FZD3: variants seen among roughly 807,000 people sequenced by gnomAD.
FZD3 encodes the protein frizzled class receptor 3, also known as frizzled-3.
A neutral mutation model predicts 60.7 loss-of-function variants in FZD3; 30 were observed. The observed-to-expected ratio is 0.49, with a 90% CI of 0.37 to 0.67. The LOEUF (loss-of-function observed/expected upper bound fraction) is 0.67, where lower values mean the gene tolerates loss of function less well. Ranked by LOEUF, FZD3 falls within the 30% of genes least tolerant of loss-of-function variation. FZD3 has a pLI of 0.00. For missense variants in FZD3, 605 were observed against 838.7 expected (o/e 0.72, Z 3.44); for synonymous variants, 246 against 275.2 (o/e 0.89, Z 1.05).
At chr8:28,525,786 C>T (rs1804700057) in intron 4 of FZD3, among the ~76,000 whole-genome samples, 1 of 151,924 alleles carries the variant, frequency 6.6e-6, no homozygotes, top group Admixed American at 6.6e-5. Context: ...AATTGGAGGC[C>T]CCTCTAGAAG....
chr8:28,533,822 C>A (rs1804941180), intron 5 of FZD3, among the ~76,000 whole-genome samples: 1 of 152,006 alleles, frequency 6.6e-6, no homozygotes, highest in Admixed American at 6.6e-5. Flanking sequence ...AATTCAGAGA[C>A]TGTTCTGGAA....
rs979062514 is a variant in FZD3 at position 28,543,492 on chromosome 8, T to C, written c.1405-8111T>C. Among the ~76,000 whole-genome samples the C allele has an allele frequency of 1.6e-4, 25 of 152,282 alleles. 1 individual carries two copies. The East Asian group carries it at 4.4e-3, about 27-fold the overall frequency. On this transcript the variant is annotated intron_variant, in intron 5 of 7. Transcript: ENST00000240093. The stretch of plus-strand genomic sequence containing the variant: ...GCCTCCCAGGTTCAAACAGTTCTCT[T>C]GCCTCAGCTTCCCGAGCAGCTGGGA...
intron 5 of FZD3, among the ~76,000 whole-genome samples, chr8:28,547,802 T>C (rs1805327936): frequency 6.6e-6 from 1 of 152,148 alleles, no homozygotes; most frequent in South Asian, 2.1e-4. Context: ...TTGGCTGTTG[T>C]TATGAAAGTT....
At chr8:28,507,914 C>G (rs1804183408) in intron 3 of FZD3, among the ~76,000 whole-genome samples, 2 of 151,996 alleles carry the variant, frequency 1.3e-5, no homozygotes, top group Non-Finnish European at 2.9e-5. Context: ...GTTTTTGACA[C>G]AAGGTCTTGC....
Position 28,569,718 on chromosome 8 carries a change from GAA to G in FZD3, c.*6709_*6710del, listed in dbSNP as rs1464827442. On this transcript the variant is annotated 3_prime_UTR_variant, in exon 8 of 8. Transcript: ENST00000240093. ...TATATTACAGATAATAAAAATGAAAGAAAGTTATAAATATTGGACATGGCTTT... is the reference window on the plus strand; with the variant it reads ...TATATTACAGATAATAAAAATGAAAGAGTTATAAATATTGGACATGGCTTT... The G allele has an allele frequency of 1.3e-5, 2 of 152,098 alleles. No individual in the cohort carries two copies. Among genetic ancestry groups the G allele is most frequent in the East Asian group, 3.8e-4 (2 of 5,202 alleles). 9.4% of individuals were successfully genotyped at this position (152,098 alleles called of 1,614,324 possible).
intron 5 of FZD3, chr8:28,530,315 T>C (rs1424971157): frequency 6.6e-6 from 1 of 152,134 alleles, no homozygotes; most frequent in East Asian, 1.9e-4. Context: ...CACCTCCCTC[T>C]GCTTCAGTTC....
intron 7 of FZD3, among the ~76,000 whole-genome samples, chr8:28,557,426 C>G (rs1805531751): frequency 6.6e-6 from 1 of 152,128 alleles, no homozygotes; most frequent in Non-Finnish European, 1.5e-5. Context: ...TCCTGTCAGT[C>G]TCAGTCTTCT....
chr8:28,494,557 A>G (rs889224212), intron 1 of FZD3, among the ~76,000 whole-genome samples: 1 of 151,418 alleles, frequency 6.6e-6, no homozygotes, highest in Non-Finnish European at 1.5e-5. Flanking sequence ...CGGGCTGCGG[A>G]GCGGGGGCCC....
rs2130457710 is a variant in FZD3, at chr8:28,551,625, A to C, written c.1427A>C (p.Asp476Ala). ...PYQVTQMSRP[D>A]LILFLMKYLM... ...CAGGTTACTCAAATGAGTCGTCCAGACTTGATTCTCTTTCTGATGAAATAC... is the reference window on the plus strand; with the variant it reads ...CAGGTTACTCAAATGAGTCGTCCAGCCTTGATTCTCTTTCTGATGAAATAC... Residue 476 changes from aspartate (D) to alanine (A), a missense_variant, in exon 6 of 8, where the codon GAC becomes GCC. Physicochemically the swap from Asp to Ala is moderately radical, Grantham distance 126. Transcript: ENST00000240093. 1 of 1,609,994 alleles carries C rather than the reference A, an allele frequency of 6.2e-7. No homozygotes were observed. Among genetic ancestry groups the C allele is most frequent in the South Asian group, 1.1e-5 (1 of 90,698 alleles).
At chr8:28,500,195 C>A (rs1366860757) in intron 2 of FZD3, among the ~76,000 whole-genome samples, 1 of 152,128 alleles carries the variant, frequency 6.6e-6, no homozygotes, top group Non-Finnish European at 1.5e-5. Flanking sequence ...TATCAAGATT[C>A]TTGTCCTTTC....
intron 3 of FZD3, among the ~76,000 whole-genome samples, chr8:28,514,239 T>C (rs992666966): frequency 2.0e-5 from 3 of 152,226 alleles, no homozygotes; most frequent in African/African-American, 4.8e-5. Context: ...TCTTATGTTA[T>C]ACATTTGTTC....
chr8:28,553,464 G>A (rs2130461037), intron 6 of FZD3, among the ~76,000 whole-genome samples: 1 of 152,300 alleles, frequency 6.6e-6, no homozygotes, highest in East Asian at 1.9e-4. Flanking sequence ...GAAAGGACTT[G>A]AATTAAACAT....
intron 5 of FZD3, among the ~76,000 whole-genome samples, chr8:28,539,298 G>T (rs999158049): frequency 6.6e-6 from 1 of 152,166 alleles, no homozygotes; most frequent in African/African-American, 2.4e-5. Context: ...AATCTAGGTT[G>T]CATGCACCAT....
Position 28,569,570 on chromosome 8 carries a change from T to G in FZD3, c.*6559T>G, listed in dbSNP as rs916126237. ...TATTCATCCCATGAACTAGATCAAC[T>G]TGTATTATTTTACTAGATCAACCTG... On this transcript the variant is annotated 3_prime_UTR_variant, in exon 8 of 8. Coordinates refer to ENST00000240093, the MANE Select transcript of FZD3 (RefSeq NM_017412.4). The G allele has an allele frequency of 6.6e-6, 1 of 152,164 alleles. No homozygotes were observed. The highest frequency in any genetic ancestry group is 1.5e-5 in the Non-Finnish European group (1 of 68,010). 9.4% of individuals were successfully genotyped at this position (152,164 alleles called of 1,614,324 possible).
chr8:28,527,699 A>G lies in FZD3; in HGVS notation c.939A>G (p.Leu313=), dbSNP rs1301168951. 6.2e-7 allele frequency: 1 copy of G among 1,613,980 alleles called. No individual in the cohort carries two copies. The highest frequency in any genetic ancestry group is 1.3e-5 in the African/African-American group (1 of 74,914). Residue 313 remains leucine, a synonymous_variant, in exon 5 of 8, where the codon TTA becomes TTG. Transcript: ENST00000240093. The surrounding 1 kb of genome is among the most constrained non-coding windows in gnomAD (Gnocchi z 5.0). ...WWVILTITWF[L]AAVPKWGSEA... is the part of the protein sequence containing the mutation. The stretch of plus-strand genomic sequence containing the variant: ...TAATTCTTACCATCACATGGTTTTT[A>G]GCAGCTGTGCCAAAGTGGGGTAGTG...
At chr8:28,499,393 A>G (rs765474903) in intron 1 of FZD3, among the ~76,000 whole-genome samples, 2 of 152,262 alleles carry the variant, frequency 1.3e-5, no homozygotes, top group East Asian at 3.9e-4. Flanking sequence ...ATGTGGTTAT[A>G]CCATAATTTA....
chr8:28,524,798 GA>G (rs1327779613), intron 4 of FZD3, among the ~76,000 whole-genome samples: 2 of 152,104 alleles, frequency 1.3e-5, no homozygotes, highest in African/African-American at 4.8e-5. Flanking sequence ...AGCAGCTGTT[GA>G]AAATCCTAAC....
chr8:28,558,588 G>A (rs1805557731), intron 7 of FZD3, among the ~76,000 whole-genome samples: 1 of 151,774 alleles, frequency 6.6e-6, no homozygotes, highest in Admixed American at 6.6e-5. Context: ...GTGCCACCAC[G>A]CTCAGCTAAT....
rs352220 is a variant in FZD3, at chr8:28,567,992, A to T, written c.*4981A>T. On this transcript the variant is annotated 3_prime_UTR_variant, in exon 8 of 8. Coordinates refer to ENST00000240093, the MANE Select transcript of FZD3 (RefSeq NM_017412.4). ...GTACCTCATTTTTTCTGATTGAGAAAAAGTTTTGAAAAAGTGATTCACTTG... is the reference window on the plus strand; with the variant it reads ...GTACCTCATTTTTTCTGATTGAGAATAAGTTTTGAAAAAGTGATTCACTTG... The T allele has an allele frequency of 6.6e-6, 1 of 151,802 alleles. No individual in the cohort carries two copies. The highest frequency in any genetic ancestry group is 2.1e-4 in the South Asian group (1 of 4,832). The allele number at this position is 151,802 out of a possible 1,614,324, so 9.4% of individuals were successfully genotyped here. A position where few individuals can be genotyped will look rare whatever the true frequency, so the allele number is the denominator to read the frequency against.
Sources: gnomAD v4.1 joint callset for allele counts (sites outside exome capture counted in the v4.1 genomes callset) on GRCh38, gnomAD v4.1.1 for gene constraint, Gnocchi (gnomAD v3.1) non-coding constraint, MANE v1.5 for transcripts, NCBI Gene and HGNC (gene_info 2026-07-23, HGNC 2026-07-21) for gene names.